The following ANKHD1 variants were observed in gnomAD, a reference collection of about 807,000 sequenced individuals.
ANKHD1 encodes ankyrin repeat and KH domain-containing protein 1.
Under a neutral mutation model 230.5 loss-of-function variants are expected in ANKHD1, and 31 were observed. That is an observed-to-expected ratio of 0.13 (90% CI 0.10 to 0.18). ANKHD1 has a LOEUF of 0.18. Ranked by LOEUF, ANKHD1 falls within the 10% of genes least tolerant of loss-of-function variation. The pLI is 1.00. For synonymous variants in ANKHD1, 1,074 were observed against 1,117.6 expected (o/e 0.96, Z 0.78); for missense variants, 2,256 against 3,071.3 (o/e 0.73, Z 6.27).
Position 140,528,743 on chromosome 5 carries a change from T to A in ANKHD1, c.5797T>A (p.Cys1933Ser), listed in dbSNP as rs1753703390. Residue 1933 changes from cysteine (C) to serine (S), a missense_variant, in exon 29 of 34, where the codon TGT becomes AGT. Cys to Ser is a moderately radical substitution (Grantham distance 112). Transcript: ENST00000360839. Reference sequence around the variant, plus strand: ...GTCTGCTGGACTAGCTACTGCCAGTTGTCCTATCACTGTCTCTTCTGTAGT... The same window carrying A: ...GTCTGCTGGACTAGCTACTGCCAGTAGTCCTATCACTGTCTCTTCTGTAGT... ...SESAGLATAS[C>S]PITVSSVVAA... The A allele has an allele frequency of 7.4e-6, 12 of 1,614,100 alleles. No individual in the cohort carries two copies. The highest frequency in any genetic ancestry group is 8.5e-6 in the Non-Finnish European group (10 of 1,180,054).
At position 140,521,425 on chromosome 5, in the gene ANKHD1, A is replaced by G. The variant is rs181491605; in HGVS notation, c.4318-2641A>G. ...TGAGGCAGGAGGATCACTTGAGACCAGCAGTTCAAGACCAGCCTGGGCAAC... is the reference window on the plus strand; with the variant it reads ...TGAGGCAGGAGGATCACTTGAGACCGGCAGTTCAAGACCAGCCTGGGCAAC... On this transcript the variant is annotated intron_variant, in intron 24 of 33. Coordinates refer to ENST00000360839, the MANE Select transcript of ANKHD1 (RefSeq NM_017747.3). 2.5e-3 allele frequency among the ~76,000 whole-genome samples: 374 copies of G among 151,982 alleles called. 2 individuals carry two copies. Among genetic ancestry groups the G allele is most frequent in the African/African-American group, 8.7e-3 (359 of 41,448 alleles).
intron 1 of ANKHD1, among the ~76,000 whole-genome samples, chr5:140,431,049 C>T (rs1218741024): frequency 6.6e-6 from 1 of 152,010 alleles, no homozygotes; most frequent in Admixed American, 6.6e-5. Context: ...ATTTGTGAAC[C>T]GCCAAAAGTA....
At chr5:140,523,414 T>C (rs1435944210) in intron 24 of ANKHD1, among the ~76,000 whole-genome samples, 1 of 152,096 alleles carries the variant, frequency 6.6e-6, no homozygotes, top group Non-Finnish European at 1.5e-5. Context: ...AGCCTGCATA[T>C]AACTTGATGT....
At position 140,485,459 on chromosome 5, in the gene ANKHD1, GT is replaced by G; in HGVS notation, c.1999-129del. The G allele has an allele frequency of 8.1e-7, 1 of 1,240,538 alleles. No individual in the cohort carries two copies. Among genetic ancestry groups the G allele is most frequent in the Non-Finnish European group, 1.1e-6 (1 of 930,046 alleles). The allele number at this position is 1,240,538 out of a possible 1,614,324, so 76.8% of individuals were successfully genotyped here. ...ATGTGTATATATATATAAATAATAT[GT>G]GTATAGTTATAAAAATATGTTTGAT... On this transcript the variant is annotated intron_variant, in intron 12 of 33. Transcript: ENST00000360839. This position sits in a 1 kb window ranked among gnomAD's most constrained non-coding sequence, Gnocchi z 4.8.
intron 29 of ANKHD1, among the ~76,000 whole-genome samples, 165 bp from the exon 30 acceptor site, chr5:140,535,197 A>G (rs1754017068): frequency 6.6e-6 from 1 of 152,220 alleles, no homozygotes; most frequent in Non-Finnish European, 1.5e-5. Context: ...ACAGTATCAC[A>G]TAGATGGATT....
At chr5:140,516,897 A>G (rs111960073) in intron 24 of ANKHD1, among the ~76,000 whole-genome samples, 1 of 151,976 alleles carries the variant, frequency 6.6e-6, no homozygotes, top group Admixed American at 6.6e-5. Flanking sequence ...AGCAAAATAA[A>G]CAGCTAACAT....
chr5:140,436,433 CAT>C (rs776735883), intron 2 of ANKHD1, among the ~76,000 whole-genome samples, 176 bp downstream of exon 2: 14 of 152,078 alleles, frequency 9.2e-5, no homozygotes, highest in Non-Finnish European at 1.6e-4. Flanking sequence ...GGGCTCAACT[CAT>C]ATATTTTTAA....
At chr5:140,473,218 C>T (rs1306792795) in intron 10 of ANKHD1, among the ~76,000 whole-genome samples, 3 of 151,526 alleles carry the variant, frequency 2.0e-5, no homozygotes, top group Admixed American at 6.6e-5. Context: ...TTAGTAGAGA[C>T]GGGGTTTCAC....
chr5:140,444,165 T>TG (rs1443501269), intron 5 of ANKHD1, among the ~76,000 whole-genome samples: 1 of 140,806 alleles, frequency 7.1e-6, no homozygotes, highest in African/African-American at 2.6e-5. Flanking sequence ...AGTAAGCACA[T>TG]GCTCTTTGAT....
chr5:140,406,254 A>C (rs890308000), intron 1 of ANKHD1, among the ~76,000 whole-genome samples: 1 of 151,696 alleles, frequency 6.6e-6, no homozygotes, highest in Non-Finnish European at 1.5e-5. Flanking sequence ...AAAAAAAAAT[A>C]AATTATTTTA....
chr5:140,533,455 C>T (rs1470302174), intron 29 of ANKHD1, among the ~76,000 whole-genome samples: 1 of 151,968 alleles, frequency 6.6e-6, no homozygotes, highest in African/African-American at 2.4e-5. Flanking sequence ...AAAAATTAGC[C>T]AGGCGTGGTC....
chr5:140,531,252 C>A, intron 29 of ANKHD1: 1 of 397,862 alleles, frequency 2.5e-6, no homozygotes. Context: ...GCTCTTTTCA[C>A]GGATATAGTT....
chr5:140,528,749 A>G lies in ANKHD1; in HGVS notation c.5803A>G (p.Ile1935Val), dbSNP rs1321436184. 3.7e-6 allele frequency: 6 copies of G among 1,614,160 alleles called. No individual in the cohort carries two copies. The highest frequency in any genetic ancestry group is 5.1e-6 in the Non-Finnish European group (6 of 1,180,026). Residue 1935 changes from isoleucine (I) to valine (V), a missense_variant, in exon 29 of 34, where the codon ATC becomes GTC. By Grantham distance (29) the Ile-to-Val change is conservative (BLOSUM62 3). Around this residue, in one of 13 missense-constraint regions of ANKHD1, gnomAD observed 778 missense variants for 966.5 expected, o/e 0.80. Transcript: ENST00000360839. ...TGGACTAGCTACTGCCAGTTGTCCT[A>G]TCACTGTCTCTTCTGTAGTTGCTGC... ...SAGLATASCPITVSSVVAASQ... is the reference protein window; with the variant it reads ...SAGLATASCPVTVSSVVAASQ...
At position 140,519,408 on chromosome 5, in the gene ANKHD1, CACAGA is replaced by C. The variant is rs1753210689; in HGVS notation, c.4318-4656_4318-4652del. 3.9e-5 allele frequency among the ~76,000 whole-genome samples: 6 copies of C among 152,330 alleles called. No homozygotes were observed. In the South Asian group the frequency reaches 1.2e-3, roughly 32 times the overall value. ...CCATCAAGCTACCAATGACTTTCTTCACAGAATTGGAATAACTACTTTAAAGTTCA... is the reference window on the plus strand; with the variant it reads ...CCATCAAGCTACCAATGACTTTCTTCATTGGAATAACTACTTTAAAGTTCA... On this transcript the variant is annotated intron_variant, in intron 24 of 33. Coordinates refer to ENST00000360839, the MANE Select transcript of ANKHD1 (RefSeq NM_017747.3).
At chr5:140,426,907 T>C (rs917216913) in intron 1 of ANKHD1, among the ~76,000 whole-genome samples, 4 of 152,176 alleles carry the variant, frequency 2.6e-5, no homozygotes, top group Non-Finnish European at 4.4e-5. Flanking sequence ...AAGTCTCCCA[T>C]GTCTACCTCT....
chr5:140,466,797 A>G (rs1184856691), intron 10 of ANKHD1, among the ~76,000 whole-genome samples: 1 of 152,122 alleles, frequency 6.6e-6, no homozygotes, highest in Non-Finnish European at 1.5e-5. Context: ...ATACAAAAAA[A>G]TTAGCCGGGC....
At chr5:140,522,862 C>G (rs1272759606) in intron 24 of ANKHD1, among the ~76,000 whole-genome samples, 1 of 152,034 alleles carries the variant, frequency 6.6e-6, no homozygotes, top group Non-Finnish European at 1.5e-5. Flanking sequence ...TGTAGCCATC[C>G]TAGTGGGTGT....
chr5:140,464,722 T>C lies in ANKHD1; in HGVS notation c.1728T>C (p.Cys576=), dbSNP rs1389342118. 6.2e-7 allele frequency: 1 copy of C among 1,609,148 alleles called. No homozygotes were observed. The highest frequency in any genetic ancestry group is 1.7e-5 in the Admixed American group (1 of 59,956). Residue 576 remains cysteine, a synonymous_variant, in exon 10 of 34, where the codon TGT becomes TGC. Transcript: ENST00000360839. ...ATGDTALTYA[C]ENGHTDVADV... ...GAGACACAGCCTTAACCTATGCTTG[T>C]GAAAATGGACATACGGATGTTGCAG...
At chr5:140,509,886 A>G (rs758406604) in intron 21 of ANKHD1, 74 bp downstream of exon 21, 6 of 1,553,142 alleles carry the variant, frequency 3.9e-6, no homozygotes, top group Non-Finnish European at 4.3e-6. Flanking sequence ...AGTTAATAAC[A>G]TTGTTTTACT....
Sources: gnomAD v4.1 joint callset for allele counts (sites outside exome capture counted in the v4.1 genomes callset) on GRCh38, gnomAD v4.1.1 for gene constraint, gnomAD v4.1.1 regional missense constraint, Gnocchi (gnomAD v3.1) non-coding constraint, MANE v1.5 for transcripts, NCBI Gene and HGNC (gene_info 2026-07-23, HGNC 2026-07-21) for gene names.